The following CPNE5 variants were observed in gnomAD, a reference collection of about 807,000 sequenced individuals.
CPNE5 encodes copine-5.
CPNE5 carries 42 observed loss-of-function variants against 81.1 expected under a neutral mutation model. The observed-to-expected ratio is 0.52, with a 90% CI of 0.40 to 0.67. The LOEUF (loss-of-function observed/expected upper bound fraction) is 0.67. Among genes scored for constraint, CPNE5 ranks in the 30% least tolerant of loss-of-function variants. The pLI is 0.00. For synonymous variants in CPNE5, 313 were observed against 321.5 expected (o/e 0.97, Z 0.28); for missense variants, 612 against 815.5 (o/e 0.75, Z 3.04).
At chr6:36,800,649 C>T (rs528521595) in intron 3 of CPNE5, among the ~76,000 whole-genome samples, 26 of 152,334 alleles carry the variant, frequency 1.7e-4, no homozygotes, top group African/African-American at 6.0e-4. Flanking sequence ...TCCTCTCGAA[C>T]GTGGGCTGGA....
At chr6:36,837,253 C>G (rs1773603427) in intron 1 of CPNE5, among the ~76,000 whole-genome samples, 1 of 152,264 alleles carries the variant, frequency 6.6e-6, no homozygotes, top group Non-Finnish European at 1.5e-5. Flanking sequence ...AGGCACTGCT[C>G]TAAGCACATG....
chr6:36,754,085 T>G (rs1307689513), intron 13 of CPNE5: 1 of 146,144 alleles, frequency 6.8e-6, no homozygotes, highest in Non-Finnish European at 1.5e-5. Context: ...TCAGACTTAC[T>G]AGGAACCACG....
chr6:36,796,827 G>A (rs926292350), intron 6 of CPNE5, among the ~76,000 whole-genome samples: 1 of 152,066 alleles, frequency 6.6e-6, no homozygotes, highest in Non-Finnish European at 1.5e-5. Context: ...AAACATTTCC[G>A]GGGGCCCTGA....
intron 12 of CPNE5, among the ~76,000 whole-genome samples, chr6:36,760,400 C>A (rs1323214035): frequency 6.6e-6 from 1 of 151,990 alleles, no homozygotes; most frequent in Non-Finnish European, 1.5e-5. Flanking sequence ...GGGTGGAATG[C>A]CCTACACAGA....
chr6:36,796,649 G>T (rs1056155932), intron 6 of CPNE5, among the ~76,000 whole-genome samples: 2 of 152,078 alleles, frequency 1.3e-5, no homozygotes, highest in African/African-American at 4.8e-5. Flanking sequence ...AAGAGGGAGG[G>T]GCCTAGCAAA....
At position 36,766,554 on chromosome 6, in the gene CPNE5, G is replaced by C. The variant is rs1489608479; in HGVS notation, c.738-1178C>G. Among the ~76,000 whole-genome samples the C allele has an allele frequency of 6.6e-6, 1 of 152,108 alleles. No individual in the cohort carries two copies. Among genetic ancestry groups the C allele is most frequent in the East Asian group, 1.9e-4 (1 of 5,196 alleles). The stretch of plus-strand genomic sequence containing the variant: ...AAAACAAAAAACCATGTCTCTCTGA[G>C]GTGAATTATTGTGGAAAGGAAAAAA... On this transcript the variant is annotated intron_variant, in intron 10 of 20. Transcript: ENST00000244751. The surrounding 1 kb of genome is among the most constrained non-coding windows in gnomAD (Gnocchi z 4.2).
intron 1 of CPNE5, chr6:36,827,192 A>T (rs1177455613): frequency 9.6e-6 from 3 of 313,614 alleles, no homozygotes; most frequent in African/African-American, 4.5e-5. Context: ...CTCAGCCTTG[A>T]GGACCTTCTG....
At chr6:36,763,771 C>G (rs185161301) in intron 11 of CPNE5, among the ~76,000 whole-genome samples, 1 of 152,082 alleles carries the variant, frequency 6.6e-6, no homozygotes, top group Non-Finnish European at 1.5e-5. Context: ...ATAGATGAAG[C>G]AAATATAACA....
chr6:36,762,981 A>G lies in CPNE5; in HGVS notation c.791T>C (p.Ile264Thr), dbSNP rs201649980. The change falls in exon 12 of 21, where the codon ATT becomes ACT. Residue 264 changes from isoleucine to threonine, a missense_variant. Coordinates refer to ENST00000244751, the MANE Select transcript of CPNE5 (RefSeq NM_020939.2). ...CCGGTAACTGGTGGTGAACTCCCCA[A>G]TGAAGTCATGGCTGCAAGGGAAGAC... ...DWDRDGSHDF[I>T]GEFTTSYREL... is the part of the protein sequence containing the mutation. The G allele has an allele frequency of 2.7e-4, 437 of 1,614,158 alleles. No individual in the cohort carries two copies. Among genetic ancestry groups the G allele is most frequent in the Non-Finnish European group, 3.3e-4 (388 of 1,180,006 alleles).
intron 8 of CPNE5, among the ~76,000 whole-genome samples, chr6:36,785,621 C>T (rs1768461711): frequency 6.6e-6 from 1 of 152,244 alleles, no homozygotes; most frequent in Non-Finnish European, 1.5e-5. Context: ...GGAACCCCAG[C>T]TACTCAGAAG....
intron 1 of CPNE5, among the ~76,000 whole-genome samples, chr6:36,832,692 C>T (rs924554474): frequency 8.3e-6 from 1 of 120,930 alleles, no homozygotes; most frequent in Non-Finnish European, 1.8e-5. Flanking sequence ...AAAATAAATG[C>T]ATATCAAGTT....
chr6:36,824,224 G>T (rs1225102197), intron 1 of CPNE5, among the ~76,000 whole-genome samples: 2 of 152,188 alleles, frequency 1.3e-5, no homozygotes, highest in Non-Finnish European at 2.9e-5. Context: ...CTCCCAAAAG[G>T]CCGCACTCAA....
rs141200385 is a variant in CPNE5 at position 36,788,939 on chromosome 6, T to C, written c.528+3094A>G. Among the ~76,000 whole-genome samples the C allele has an allele frequency of 2.6e-5, 4 of 152,338 alleles. No individual in the cohort carries two copies. The East Asian group carries it at 7.7e-4, about 29-fold the overall frequency. ...TCCCCATGGATGAAGAGAGGGTTTG[T>C]CTACTTCGGCAAAATGTATTCATTT... On this transcript the variant is annotated intron_variant, in intron 8 of 20. Coordinates refer to ENST00000244751, the MANE Select transcript of CPNE5 (RefSeq NM_020939.2).
At chr6:36,786,700 C>T (rs993003514) in intron 8 of CPNE5, among the ~76,000 whole-genome samples, 4 of 152,082 alleles carry the variant, frequency 2.6e-5, no homozygotes, top group Admixed American at 2.6e-4. Flanking sequence ...TAACATGCGG[C>T]TATTAAGTGC....
chr6:36,838,293 T>C (rs1457242419), intron 1 of CPNE5, among the ~76,000 whole-genome samples: 1 of 152,188 alleles, frequency 6.6e-6, no homozygotes, highest in Non-Finnish European at 1.5e-5. Context: ...CAGCCAGGGC[T>C]CCAGAAATGC....
At position 36,742,506 on chromosome 6, in the gene CPNE5, G is replaced by C; in HGVS notation, c.1564-20C>G. The C allele has an allele frequency of 1.2e-6, 2 of 1,602,454 alleles. No individual in the cohort carries two copies. Among genetic ancestry groups the C allele is most frequent in the Middle Eastern group, 1.7e-4 (1 of 6,030 alleles). Reference sequence around the variant, plus strand: ...TACAAACTGGCAAGTGGGAGGGCAGGGTCAGGCAGTGCCTCCTGTGGGACC... The same window carrying C: ...TACAAACTGGCAAGTGGGAGGGCAGCGTCAGGCAGTGCCTCCTGTGGGACC... On this transcript the variant is annotated intron_variant, in intron 20 of 20. Transcript: ENST00000244751.
rs541960919 is a variant in CPNE5, at chr6:36,746,383, C to T, written c.1200+13G>A. ...CCTGATCAGTCCTCTCTCCCACCAG[C>T]GGGACCACCTACCAGTGGGAACTCG... On this transcript the variant is annotated intron_variant, in intron 16 of 20. Coordinates refer to ENST00000244751, the MANE Select transcript of CPNE5 (RefSeq NM_020939.2). This position sits in a 1 kb window ranked among gnomAD's most constrained non-coding sequence, Gnocchi z 4.5. 182 of 1,602,934 alleles carry T rather than the reference C, an allele frequency of 1.1e-4. 1 individual carries two copies. Among genetic ancestry groups the T allele is most frequent in the African/African-American group, 4.4e-4 (33 of 74,358 alleles).
chr6:36,745,175 G>C (rs781433658), intron 17 of CPNE5, 25 bp from the exon 18 acceptor site: 1 of 1,590,790 alleles, frequency 6.3e-7, no homozygotes, highest in Non-Finnish European at 8.6e-7. Context: ...TGTGGGCTCA[G>C]GTCTGTCTGC....
intron 3 of CPNE5, among the ~76,000 whole-genome samples, chr6:36,800,855 C>T (rs982692146): frequency 2.0e-5 from 3 of 152,196 alleles, no homozygotes; most frequent in Admixed American, 1.3e-4. Context: ...AGGCCCCAGG[C>T]TAATACCAGT....
Sources: gnomAD v4.1 joint callset for allele counts (sites outside exome capture counted in the v4.1 genomes callset) on GRCh38, gnomAD v4.1.1 for gene constraint, Gnocchi (gnomAD v3.1) non-coding constraint, MANE v1.5 for transcripts, NCBI Gene and HGNC (gene_info 2026-07-23, HGNC 2026-07-21) for gene names.